Variants in VAT1L observed in about 807,000 individuals in gnomAD.
The protein encoded by VAT1L is vesicle amine transport 1 like.
In VAT1L, 34 loss-of-function variants were observed where a neutral mutation model predicts 44.1. The ratio of observed to expected loss-of-function variants is 0.77; its 90% CI spans 0.59 to 1.03. The LOEUF (loss-of-function observed/expected upper bound fraction) is 1.03. VAT1L is among the 50% of genes least tolerant of loss of function. VAT1L has a pLI of 0.00. For synonymous variants in VAT1L, 253 were observed against 202.2 expected (o/e 1.25, Z -2.13); for missense variants, 615 against 538.8 (o/e 1.14, Z -1.40).
intron 7 of VAT1L, among the ~76,000 whole-genome samples, chr16:77,915,506 G>A (rs1265568100): frequency 6.6e-6 from 1 of 152,170 alleles, no homozygotes; most frequent in Non-Finnish European, 1.5e-5. Flanking sequence ...TTTAGTGTAG[G>A]GAAATGTCAC....
intron 7 of VAT1L, among the ~76,000 whole-genome samples, chr16:77,956,660 C>G (rs2018106921): frequency 6.6e-6 from 1 of 152,206 alleles, no homozygotes; most frequent in Admixed American, 6.5e-5. Flanking sequence ...AGGTTCAGAG[C>G]CTATAGTTTG....
At chr16:77,936,627 A>T (rs1472810807) in intron 7 of VAT1L, among the ~76,000 whole-genome samples, 1 of 152,218 alleles carries the variant, frequency 6.6e-6, no homozygotes, top group Non-Finnish European at 1.5e-5. Context: ...GTGAAGCGAG[A>T]GAGCGTGCTT....
chr16:77,806,718 TCATATCTTTTATGATATGATAA>T (rs2016167083), intron 1 of VAT1L, among the ~76,000 whole-genome samples: 2 of 152,234 alleles, frequency 1.3e-5, no homozygotes, highest in African/African-American at 4.8e-5. Flanking sequence ...ATTACTTTTA[TCATATCTTTTATGATATGATAA>T]CATATCATAA....
intron 1 of VAT1L, among the ~76,000 whole-genome samples, chr16:77,803,672 G>T (rs1264618069): frequency 2.0e-5 from 3 of 152,026 alleles, no homozygotes; most frequent in Non-Finnish European, 4.4e-5. Context: ...GCCTGCCCGG[G>T]CCTCCCAAAG....
In VAT1L at chr16:77,788,588, T is replaced by G; in HGVS notation, c.-95T>G. The G allele has an allele frequency of 7.1e-7, 1 of 1,406,652 alleles. No individual in the cohort carries two copies. Among genetic ancestry groups the G allele is most frequent in the South Asian group, 1.3e-5 (1 of 76,940 alleles). The allele number at this position is 1,406,652 out of a possible 1,614,324, so 87.1% of individuals were successfully genotyped here. A position where few individuals can be genotyped will look rare whatever the true frequency, so the allele number is the denominator to read the frequency against. On this transcript the variant is annotated 5_prime_UTR_variant, in exon 1 of 9. The change creates a new upstream start codon in the 5' untranslated region. Transcript: ENST00000302536. ...CATTGCACAGCCGAGCATCCCACAT[T>G]CAACAGGAGGAACCCGCGGGAGAGG...
intron 7 of VAT1L, among the ~76,000 whole-genome samples, chr16:77,913,176 A>G (rs1338305493): frequency 6.6e-6 from 1 of 152,210 alleles, no homozygotes; most frequent in East Asian, 1.9e-4. Flanking sequence ...TTTAATTTTA[A>G]TTTCATTTGA....
Position 77,884,415 on chromosome 16 carries a change from T to G in VAT1L, c.883-193T>G, listed in dbSNP as rs1036134321. Among the ~76,000 whole-genome samples, 17 of 151,426 alleles carry G rather than the reference T, an allele frequency of 1.1e-4. 1 individual carries two copies. Among genetic ancestry groups the G allele is most frequent in the African/African-American group, 3.9e-4 (16 of 41,158 alleles). On this transcript the variant is annotated intron_variant, in intron 6 of 8. Transcript: ENST00000302536. The surrounding 1 kb of genome is among the most constrained non-coding windows in gnomAD (Gnocchi z 4.5). ...TCCAGCCTGGGCTACAGAGTGAGAC[T>G]CCATCTCAAAAAATAAAAATAAAAA...
intron 7 of VAT1L, among the ~76,000 whole-genome samples, chr16:77,886,600 G>A (rs193068947): frequency 6.6e-6 from 1 of 152,270 alleles, no homozygotes; most frequent in Non-Finnish European, 1.5e-5. Context: ...GCCCAGTACT[G>A]GGCAAATGCT....
At chr16:77,789,689 G>A (rs1023615080) in intron 1 of VAT1L, among the ~76,000 whole-genome samples, 13 of 152,192 alleles carry the variant, frequency 8.5e-5, no homozygotes, top group African/African-American at 2.9e-4. Context: ...CTGTTTCTCC[G>A]AGAGGGGAAA....
intron 7 of VAT1L, among the ~76,000 whole-genome samples, chr16:77,957,065 G>GA (rs532475277): frequency 1.1e-4 from 16 of 152,174 alleles, no homozygotes; most frequent in East Asian, 3.9e-4. Flanking sequence ...GAAAATAAGG[G>GA]AAAAAATCAC....
chr16:77,826,068 G>A (rs1378694421), intron 3 of VAT1L, among the ~76,000 whole-genome samples: 2 of 140,222 alleles, frequency 1.4e-5, no homozygotes, highest in Non-Finnish European at 3.1e-5. Flanking sequence ...TTAGCCGGGC[G>A]TAGTGGCGGG....
intron 6 of VAT1L, among the ~76,000 whole-genome samples, chr16:77,882,792 T>C (rs926783179): frequency 6.6e-6 from 1 of 152,238 alleles, no homozygotes; most frequent in Admixed American, 6.5e-5. Flanking sequence ...TTGTTTTAAA[T>C]GAGGGTCCTA....
intron 7 of VAT1L, among the ~76,000 whole-genome samples, chr16:77,896,968 T>C (rs1320798486): frequency 2.0e-5 from 3 of 152,356 alleles, no homozygotes; most frequent in African/African-American, 7.2e-5. Flanking sequence ...TTCCAAAGAC[T>C]GGAAAGTTTC....
chr16:77,806,696 T>C (rs2016166862), intron 1 of VAT1L, among the ~76,000 whole-genome samples: 1 of 152,198 alleles, frequency 6.6e-6, no homozygotes, highest in African/African-American at 2.4e-5. Context: ...GGAACAACTG[T>C]TTTTACTAAA....
intron 3 of VAT1L, among the ~76,000 whole-genome samples, chr16:77,861,260 A>G (rs1258290623): frequency 6.6e-6 from 1 of 152,258 alleles, no homozygotes; most frequent in Non-Finnish European, 1.5e-5. Context: ...TTAAAATGGC[A>G]GATGGAACAC....
At chr16:77,962,651 G>T (rs1227223212) in intron 7 of VAT1L, among the ~76,000 whole-genome samples, 1 of 151,880 alleles carries the variant, frequency 6.6e-6, no homozygotes, top group Admixed American at 6.6e-5. Context: ...AGGAGGCCAA[G>T]GCAGGAGGAC....
chr16:77,913,863 G>C (rs1280249958), intron 7 of VAT1L, among the ~76,000 whole-genome samples: 4 of 152,290 alleles, frequency 2.6e-5, no homozygotes, highest in East Asian at 3.9e-4. Flanking sequence ...AGTTAGGGGA[G>C]GTGAAAGAGC....
intron 7 of VAT1L, among the ~76,000 whole-genome samples, chr16:77,951,878 T>C (rs1055481092): frequency 2.6e-5 from 4 of 151,156 alleles, no homozygotes; most frequent in Non-Finnish European, 5.9e-5. Context: ...CTGAAAGCTG[T>C]TACTAGGCAA....
At chr16:77,826,793 G>A (rs1457970704) in intron 3 of VAT1L, among the ~76,000 whole-genome samples, 1 of 152,194 alleles carries the variant, frequency 6.6e-6, no homozygotes, top group African/African-American at 2.4e-5. Context: ...TAGACTCTGT[G>A]GATATAGAGA....
Sources: gnomAD v4.1 joint callset for allele counts (sites outside exome capture counted in the v4.1 genomes callset) on GRCh38, gnomAD v4.1.1 for gene constraint, Gnocchi (gnomAD v3.1) non-coding constraint, MANE v1.5 for transcripts, NCBI Gene and HGNC (gene_info 2026-07-23, HGNC 2026-07-21) for gene names.